Variants in NR3C2 observed in about 807,000 individuals in gnomAD.
NR3C2 encodes the protein nuclear receptor subfamily 3 group C member 2.
In NR3C2, 15 loss-of-function variants were observed where a neutral mutation model predicts 86.4. The ratio of observed to expected loss-of-function variants is 0.17; its 90% CI spans 0.12 to 0.27. The LOEUF (loss-of-function observed/expected upper bound fraction) is 0.27, where lower values mean the gene tolerates loss of function less well. Among genes scored for constraint, NR3C2 ranks in the 10% least tolerant of loss-of-function variants. The probability of loss-of-function intolerance (pLI) is 1.00; values close to 1 mark genes in which losing one functional copy is unlikely to be tolerated. For missense variants in NR3C2, 960 were observed against 1,195.6 expected (o/e 0.80, Z 2.91); for synonymous variants, 458 against 450.5 (o/e 1.02, Z -0.21).
chr4:148,356,399 A>G (rs923141386), intron 2 of NR3C2, among the ~76,000 whole-genome samples: 1 of 152,196 alleles, frequency 6.6e-6, no homozygotes, highest in Non-Finnish European at 1.5e-5. Context: ...ACAATCAGCA[A>G]CTTCTCATTT....
Position 148,435,851 on chromosome 4 carries a change from A to G in NR3C2, c.1010T>C (p.Val337Ala). ...AGCAGTGTAGCTGAAGGCATTGTTT[A>G]CAGGGCTACAGATAGATCCCACAGT... Reference protein sequence around the residue: ...ASTVGSICSPVNNAFSYTASG... With the variant: ...ASTVGSICSPANNAFSYTASG... The change falls in exon 2 of 9, where the codon GTA (valine) becomes GCA (alanine). Residue 337 changes from valine (V) to alanine (A), a missense_variant. Val to Ala is a moderately conservative substitution (Grantham distance 64, BLOSUM62 0). This residue lies in a region of NR3C2 where 680 missense variants were observed against 719.0 expected (regional missense o/e 0.95). Transcript: ENST00000358102. 6.2e-7 allele frequency: 1 copy of G among 1,614,204 alleles called. No homozygotes were observed. Among genetic ancestry groups the G allele is most frequent in the Non-Finnish European group, 8.5e-7 (1 of 1,180,020 alleles).
chr4:148,197,424 A>G, intron 3 of NR3C2, among the ~76,000 whole-genome samples: 1 of 152,214 alleles, frequency 6.6e-6, no homozygotes, highest in African/African-American at 2.4e-5. Context: ...AACCTCCAAT[A>G]TGTTGCAAGG....
chr4:148,362,105 C>T (rs1386740326), intron 2 of NR3C2, among the ~76,000 whole-genome samples: 1 of 152,212 alleles, frequency 6.6e-6, no homozygotes, highest in Admixed American at 6.5e-5. Flanking sequence ...ACCCATAGTG[C>T]TGGGATTATG....
intron 3 of NR3C2, among the ~76,000 whole-genome samples, chr4:148,227,840 A>G (rs1738252881): frequency 6.6e-6 from 1 of 152,034 alleles, no homozygotes; most frequent in South Asian, 2.1e-4. Flanking sequence ...TCCTTTTTTG[A>G]GACCTCCTTA....
At chr4:148,399,398 T>C (rs1384691591) in intron 2 of NR3C2, among the ~76,000 whole-genome samples, 1 of 151,786 alleles carries the variant, frequency 6.6e-6, no homozygotes, top group Non-Finnish European at 1.5e-5. Flanking sequence ...ATACACTACA[T>C]ATTAAATGAC....
chr4:148,135,343 G>A (rs1560939356), intron 6 of NR3C2, among the ~76,000 whole-genome samples: 1 of 152,078 alleles, frequency 6.6e-6, no homozygotes, highest in Non-Finnish European at 1.5e-5. Context: ...AAGGGGTTGA[G>A]GGGGGTGAGT....
chr4:148,197,629 T>C (rs1010155488), intron 3 of NR3C2, among the ~76,000 whole-genome samples: 3 of 152,128 alleles, frequency 2.0e-5, no homozygotes, highest in Non-Finnish European at 2.9e-5. Flanking sequence ...CCAGGATTGT[T>C]CTAAAAGGAT....
At chr4:148,415,016 T>C (rs1172380679) in intron 2 of NR3C2, among the ~76,000 whole-genome samples, 1 of 152,240 alleles carries the variant, frequency 6.6e-6, no homozygotes, top group Admixed American at 6.5e-5. Context: ...TGCAACTGAT[T>C]TGCCTACAGA....
At chr4:148,432,190 T>TTA (rs1246145809) in intron 2 of NR3C2, among the ~76,000 whole-genome samples, 10 of 152,150 alleles carry the variant, frequency 6.6e-5, no homozygotes, top group African/African-American at 1.7e-4. Context: ...ACTGTCACAC[T>TTA]TAATAGAAGA....
rs558006881 is a variant in NR3C2 at position 148,436,406 on chromosome 4, G to C, written c.455C>G (p.Ser152Cys). ...GGGCGTGTTCACACAACTTAGAGTG[G>C]AAGGACGATGGCCATTTCCTTTGTA... ...KFYKGNGHRP[S>C]TLSCVNTPLR... Residue 152 changes from serine (S) to cysteine (C), a missense_variant, in exon 2 of 9, where the codon TCC becomes TGC. This residue lies in a region of NR3C2 where 680 missense variants were observed against 719.0 expected (regional missense o/e 0.95). Coordinates refer to ENST00000358102, the MANE Select transcript of NR3C2 (RefSeq NM_000901.5). 1.5e-5 allele frequency: 25 copies of C among 1,614,092 alleles called. 1 individual carries two copies. The South Asian group carries it at 2.5e-4, about 16-fold the overall frequency.
chr4:148,437,781 C>A (rs986255364), intron 1 of NR3C2, among the ~76,000 whole-genome samples: 3 of 152,174 alleles, frequency 2.0e-5, no homozygotes, highest in Non-Finnish European at 4.4e-5. Flanking sequence ...GTGCCTGCTA[C>A]ACCCTTGGCC....
chr4:148,254,870 A>T (rs1017532216), intron 3 of NR3C2, among the ~76,000 whole-genome samples: 2 of 152,200 alleles, frequency 1.3e-5, no homozygotes, highest in African/African-American at 4.8e-5. Context: ...AACACCAGGG[A>T]CTGTATCTTA....
chr4:148,195,719 C>T (rs1417005036), intron 3 of NR3C2, among the ~76,000 whole-genome samples: 2 of 152,120 alleles, frequency 1.3e-5, no homozygotes, highest in South Asian at 2.1e-4. Context: ...GAAGAACATA[C>T]ACCAGAAAGA....
intron 8 of NR3C2, among the ~76,000 whole-genome samples, chr4:148,108,193 T>C (rs1474902403): frequency 6.6e-6 from 1 of 152,110 alleles, no homozygotes; most frequent in Admixed American, 6.5e-5. Flanking sequence ...AGCCTCTGCC[T>C]CCTGGGCTCA....
chr4:148,185,316 C>G (rs1197536002), intron 4 of NR3C2, among the ~76,000 whole-genome samples: 1 of 152,188 alleles, frequency 6.6e-6, no homozygotes, highest in African/African-American at 2.4e-5. Context: ...GTGTGGCCCT[C>G]TCTCTGATTT....
chr4:148,291,111 CT>C (rs1741777796), intron 2 of NR3C2, among the ~76,000 whole-genome samples: 1 of 152,028 alleles, frequency 6.6e-6, no homozygotes, highest in Non-Finnish European at 1.5e-5. Flanking sequence ...GACATCTATT[CT>C]TTATTCCACT....
intron 2 of NR3C2, among the ~76,000 whole-genome samples, chr4:148,269,963 A>G (rs1740592617): frequency 6.6e-6 from 1 of 152,180 alleles, no homozygotes; most frequent in South Asian, 2.1e-4. Context: ...TTATCCTTAC[A>G]TTAAGATACA....
At chr4:148,131,891 AATTC>A (rs1733059294) in intron 6 of NR3C2, among the ~76,000 whole-genome samples, 1 of 152,238 alleles carries the variant, frequency 6.6e-6, no homozygotes, top group Non-Finnish European at 1.5e-5. Flanking sequence ...CACTGACTTT[AATTC>A]ATGATACACA....
At chr4:148,427,895 A>C (rs1319345708) in intron 2 of NR3C2, among the ~76,000 whole-genome samples, 4 of 152,188 alleles carry the variant, frequency 2.6e-5, no homozygotes. Flanking sequence ...TTAGGACAGT[A>C]ACAGTATGTA....
Sources: gnomAD v4.1 joint callset for allele counts (sites outside exome capture counted in the v4.1 genomes callset) on GRCh38, gnomAD v4.1.1 for gene constraint, gnomAD v4.1.1 regional missense constraint, MANE v1.5 for transcripts, NCBI Gene and HGNC (gene_info 2026-07-23, HGNC 2026-07-21) for gene names.